GLYATL1: variants seen among roughly 807,000 people sequenced by gnomAD.
The protein encoded by GLYATL1 is glycine-N-acyltransferase like 1.
GLYATL1 carries 15 observed loss-of-function variants against 20.0 expected under a neutral mutation model. The observed-to-expected ratio is 0.75, with a 90% CI of 0.50 to 1.15. The LOEUF (loss-of-function observed/expected upper bound fraction) is 1.15, where lower values mean the gene tolerates loss of function less well. GLYATL1 is among the 50% of genes most tolerant of loss of function. GLYATL1 has a pLI of 0.00. For missense variants in GLYATL1, 380 were observed against 368.5 expected (o/e 1.03, Z -0.26); for synonymous variants, 151 against 131.5 (o/e 1.15, Z -1.01).
At chr11:58,946,843 T>G in intron 2 of GLYATL1, 2 of 611,960 alleles carry the variant, frequency 3.3e-6, no homozygotes. Context: ...GAGACAGTCA[T>G]ATATGGTTTC....
At chr11:58,951,321 T>A (rs929995121) in intron 4 of GLYATL1, among the ~76,000 whole-genome samples, 3 of 152,154 alleles carry the variant, frequency 2.0e-5, no homozygotes, top group African/African-American at 7.2e-5. Context: ...CCTACTGAAA[T>A]ATAAATGTCT....
At chr11:58,940,741 G>A (rs1856080760) in intron 1 of GLYATL1, among the ~76,000 whole-genome samples, 1 of 152,182 alleles carries the variant, frequency 6.6e-6, no homozygotes, top group South Asian at 2.1e-4. Context: ...AGTTTATAAA[G>A]TTGTCACCAG....
chr11:58,920,602 T>C (rs996573204), intron 1 of GLYATL1, among the ~76,000 whole-genome samples: 2 of 152,100 alleles, frequency 1.3e-5, no homozygotes, highest in Non-Finnish European at 2.9e-5. Context: ...ATCTACCATA[T>C]CCACACAGGA....
intron 1 of GLYATL1, among the ~76,000 whole-genome samples, chr11:58,932,936 T>C (rs1366923090): frequency 1.3e-5 from 2 of 152,222 alleles, no homozygotes; most frequent in African/African-American, 2.4e-5. Context: ...GGGAAAGAGA[T>C]ACATGGATGT....
rs1359885483 is a variant in GLYATL1 at position 58,947,902 on chromosome 11, CATGGAGG to C, written c.124_130del (p.Met42CysfsTer21). On this transcript the variant is annotated frameshift_variant, in exon 4 of 7. Coordinates refer to ENST00000532726, the MANE Select transcript of GLYATL1 (RefSeq NM_001389712.2). LOFTEE classifies it high-confidence loss of function. ...ACATCAATCACGGGAACCCCTTCAA[CATGGAGG>C]TGCTGGTGGATTCCTGGCCTGAATA... 11 of 1,613,890 alleles carry C rather than the reference CATGGAGG, an allele frequency of 6.8e-6. No homozygotes were observed. The highest frequency in any genetic ancestry group is 8.5e-6 in the Non-Finnish European group (10 of 1,179,946).
chr11:58,931,009 A>G (rs1397107625), intron 1 of GLYATL1, among the ~76,000 whole-genome samples: 1 of 152,220 alleles, frequency 6.6e-6, no homozygotes, highest in African/African-American at 2.4e-5. Context: ...ATTTTGTTAG[A>G]AAAGTTCAGA....
chr11:58,943,596 A>G lies in GLYATL1; in HGVS notation c.-113A>G. 6.2e-7 allele frequency: 1 copy of G among 1,613,588 alleles called. No individual in the cohort carries two copies. The highest frequency in any genetic ancestry group is 8.5e-7 in the Non-Finnish European group (1 of 1,179,578). On this transcript the variant is annotated 5_prime_UTR_variant, in exon 2 of 7. Coordinates refer to ENST00000532726, the MANE Select transcript of GLYATL1 (RefSeq NM_001389712.2). ...AGCTTCTAGTATCCCCAGGAGCGCGAAGTGAACACGGAAGGTACCTGCAGG... is the reference window on the plus strand; with the variant it reads ...AGCTTCTAGTATCCCCAGGAGCGCGGAGTGAACACGGAAGGTACCTGCAGG...
upstream of GLYATL1, among the ~76,000 whole-genome samples, chr11:58,938,462 C>T (rs530047742): frequency 2.4e-4 from 36 of 152,262 alleles, no homozygotes; most frequent in African/African-American, 7.9e-4. Context: ...CCTGTGAAAC[C>T]AGAATTCATT....
intron 1 of GLYATL1, among the ~76,000 whole-genome samples, chr11:58,929,752 A>G (rs1185974907): frequency 1.3e-5 from 2 of 152,174 alleles, no homozygotes; most frequent in Non-Finnish European, 2.9e-5. Flanking sequence ...CTAAAGACTC[A>G]TGGGGACCCT....
At chr11:58,930,749 T>G (rs1855568199) in intron 1 of GLYATL1, among the ~76,000 whole-genome samples, 1 of 152,248 alleles carries the variant, frequency 6.6e-6, no homozygotes, top group Non-Finnish European at 1.5e-5. Context: ...CAAGGTATAC[T>G]AATGAGTAGG....
chr11:58,944,867 A>T (rs923766049), intron 2 of GLYATL1, among the ~76,000 whole-genome samples: 5 of 151,952 alleles, frequency 3.3e-5, no homozygotes, highest in Non-Finnish European at 5.9e-5. Flanking sequence ...AAATTCTGAT[A>T]CATAATACAA....
At chr11:58,929,444 A>T (rs1052941277) in intron 1 of GLYATL1, among the ~76,000 whole-genome samples, 1 of 152,208 alleles carries the variant, frequency 6.6e-6, no homozygotes, top group Non-Finnish European at 1.5e-5. Context: ...AACCTTGCAT[A>T]ACTGGTATTT....
chr11:58,932,161 T>C (rs1254597314), intron 1 of GLYATL1, among the ~76,000 whole-genome samples: 3 of 132,160 alleles, frequency 2.3e-5, no homozygotes, highest in South Asian at 2.6e-4. Context: ...GCCTGAAGCA[T>C]GAAAAAGGAA....
intron 1 of GLYATL1, among the ~76,000 whole-genome samples, chr11:58,920,568 ATC>A (rs1158541142): frequency 2.0e-5 from 3 of 152,132 alleles, no homozygotes; most frequent in East Asian, 3.9e-4. Context: ...GATCTGTCAA[ATC>A]TCTCTGGCTT....
upstream of GLYATL1, among the ~76,000 whole-genome samples, chr11:58,923,539 C>T (rs1855357239): frequency 6.6e-6 from 1 of 152,004 alleles, no homozygotes; most frequent in South Asian, 2.1e-4. Context: ...GCATGATTTG[C>T]AAAGGGAGTA....
At chr11:58,947,370 C>A in intron 3 of GLYATL1, 1 of 663,568 alleles carries the variant, frequency 1.5e-6, no homozygotes, top group Non-Finnish European at 2.5e-6. Context: ...GGTTTTGCCA[C>A]TCATTTGGAG....
Position 58,931,873 on chromosome 11 carries a change from A to G in GLYATL1, c.-212+4044A>G, listed in dbSNP as rs1421341293. On this transcript the variant is annotated intron_variant, in intron 1 of 7. Coordinates refer to the GLYATL1 transcript ENST00000317391. ...AGAAAAATTTGCAAAACACTTTGGAAGGCAGAGGCAGGCAAATCAGGAGGT... is the reference window on the plus strand; with the variant it reads ...AGAAAAATTTGCAAAACACTTTGGAGGGCAGAGGCAGGCAAATCAGGAGGT... Among the ~76,000 whole-genome samples, 3 of 152,124 alleles carry G rather than the reference A, an allele frequency of 2.0e-5. No homozygotes were observed. The East Asian group carries it at 5.8e-4, about 29-fold the overall frequency.
chr11:58,923,377 A>T (rs1855352574), upstream of GLYATL1, among the ~76,000 whole-genome samples: 1 of 152,080 alleles, frequency 6.6e-6, no homozygotes, highest in South Asian at 2.1e-4. Context: ...TGGGGTTTAA[A>T]CGCCCTCTAG....
At chr11:58,933,057 CA>C (rs1431838153) in intron 1 of GLYATL1, among the ~76,000 whole-genome samples, 4 of 152,116 alleles carry the variant, frequency 2.6e-5, no homozygotes, top group African/African-American at 4.8e-5. Flanking sequence ...GAGAAGTATT[CA>C]CAGGATACTA....
Sources: gnomAD v4.1 joint callset for allele counts (sites outside exome capture counted in the v4.1 genomes callset) on GRCh38, gnomAD v4.1.1 for gene constraint, MANE v1.5 for transcripts, NCBI Gene and HGNC (gene_info 2026-07-23, HGNC 2026-07-21) for gene names.